The following GMEB2 variants were observed in gnomAD, a reference collection of about 807,000 sequenced individuals.
The protein encoded by GMEB2 is glucocorticoid modulatory element binding protein 2, also known as glucocorticoid modulatory element-binding protein 2.
Under a neutral mutation model 45.7 loss-of-function variants are expected in GMEB2, and 7 were observed. The ratio of observed to expected loss-of-function variants is 0.15; its 90% CI spans 0.09 to 0.29. The LOEUF is 0.29. Ranked by LOEUF, GMEB2 falls within the 10% of genes least tolerant of loss-of-function variation. GMEB2 has a pLI of 1.00. For synonymous variants in GMEB2, 322 were observed against 323.6 expected (o/e 1.00, Z 0.05); for missense variants, 582 against 739.2 (o/e 0.79, Z 2.47).
chr20:63,603,847 G>A (rs12624749), intron 3 of GMEB2, among the ~76,000 whole-genome samples: 20,903 of 151,684 alleles, frequency 0.14, 2,797 homozygotes, highest in East Asian at 0.41. Context: ...GAGGTCAGGA[G>A]TTTGACACCA....
intron 2 of GMEB2, among the ~76,000 whole-genome samples, chr20:63,615,231 G>A (rs1439202739): frequency 6.6e-6 from 1 of 152,222 alleles, no homozygotes; most frequent in Non-Finnish European, 1.5e-5. Context: ...ACTTTTCTGA[G>A]TGACATGCTA....
At chr20:63,610,032 T>C (rs897578570) in intron 2 of GMEB2, among the ~76,000 whole-genome samples, 4 of 152,086 alleles carry the variant, frequency 2.6e-5, no homozygotes, top group Admixed American at 2.6e-4. Flanking sequence ...GCAGACATGG[T>C]GTTCCCACAC....
chr20:63,592,874 G>A lies in GMEB2; in HGVS notation c.691+137C>T. ...GCCTCAGAGCGCCCACGACAATGCT[G>A]CTGGAACCAGGCCTTTCTCCACAAA... On this transcript the variant is annotated intron_variant, in intron 7 of 9. Coordinates refer to ENST00000370077, the MANE Select transcript of GMEB2 (RefSeq NM_012384.5). This position sits in a 1 kb window ranked among gnomAD's most constrained non-coding sequence, Gnocchi z 8.2. 5.5e-6 allele frequency: 4 copies of A among 723,974 alleles called. No individual in the cohort carries two copies. Among genetic ancestry groups the A allele is most frequent in the Non-Finnish European group, 9.7e-6 (4 of 410,486 alleles). The allele number at this position is 723,974 out of a possible 1,614,324, so 44.8% of individuals were successfully genotyped here. A position where few individuals can be genotyped will look rare whatever the true frequency, so the allele number is the denominator to read the frequency against.
chr20:63,614,485 GA>G (rs1401107733), intron 2 of GMEB2, among the ~76,000 whole-genome samples: 3 of 152,144 alleles, frequency 2.0e-5, no homozygotes, highest in Non-Finnish European at 4.4e-5. Flanking sequence ...CAGTGTCAAG[GA>G]AAAACACCCG....
chr20:63,597,923 T>A (rs989364083), intron 4 of GMEB2, 63 bp from the exon 5 acceptor site: 11 of 942,386 alleles, frequency 1.2e-5, no homozygotes, highest in Non-Finnish European at 1.9e-5. Flanking sequence ...TGCCCCCATC[T>A]CCCATCCGAC....
At chr20:63,594,754 GTTTT>G (rs144616437) in intron 6 of GMEB2, among the ~76,000 whole-genome samples, 8,220 of 152,200 alleles carry the variant, frequency 0.054, 287 homozygotes, top group Non-Finnish European at 0.08. Flanking sequence ...TTTAACTTCA[GTTTT>G]TTTGTTTTGA....
intron 4 of GMEB2, among the ~76,000 whole-genome samples, chr20:63,598,373 C>CACACACAT (rs1491278105): frequency 6.6e-6 from 1 of 151,072 alleles, no homozygotes; most frequent in Non-Finnish European, 1.5e-5. Context: ...CACACACACA[C>CACACACAT]TCATCTGTTT....
At chr20:63,626,445 A>G (rs2738764) in intron 1 of GMEB2, among the ~76,000 whole-genome samples, 48 of 11,488 alleles carry the variant, frequency 4.2e-3, no homozygotes, top group African/African-American at 6.6e-3. Flanking sequence ...GCCCCTGGGG[A>G]TCGCGTCCCT....
At chr20:63,607,193 C>T (rs2089526662) in intron 2 of GMEB2, among the ~76,000 whole-genome samples, 1 of 135,560 alleles carries the variant, frequency 7.4e-6, no homozygotes, top group Non-Finnish European at 1.6e-5. Context: ...AGAAACATGC[C>T]CCTCTGACCC....
At chr20:63,623,659 G>A (rs547742921) in intron 1 of GMEB2, among the ~76,000 whole-genome samples, 8 of 152,088 alleles carry the variant, frequency 5.3e-5, no homozygotes, top group African/African-American at 1.4e-4. Context: ...TTAGCCGGGC[G>A]CGGTGGCAGG....
intron 9 of GMEB2, among the ~76,000 whole-genome samples, chr20:63,591,497 C>T (rs932827182): frequency 1.3e-5 from 2 of 152,098 alleles, no homozygotes; most frequent in East Asian, 1.9e-4. Context: ...GACAGGGTCT[C>T]GCTCTGTCAC....
rs372554080 is a variant in GMEB2 at position 63,592,620 on chromosome 20, C to T, written c.742G>A (p.Glu248Lys). 39 of 1,612,502 alleles carry T rather than the reference C, an allele frequency of 2.4e-5. No individual in the cohort carries two copies. The highest frequency in any genetic ancestry group is 4.0e-5 in the African/African-American group (3 of 74,896). ...RGLKDAGLLD[E>K]VIQEFHQELV... ...TCCTGGTGGAACTCCTGGATGACCT[C>T]GTCCAGCAGGCCGGCGTCCTTCAGC... The change falls in exon 8 of 10, where the codon GAG (glutamate) becomes AAG (lysine). Residue 248 changes from glutamate to lysine, a missense_variant. Coordinates refer to ENST00000370077, the MANE Select transcript of GMEB2 (RefSeq NM_012384.5). This position sits in a 1 kb window ranked among gnomAD's most constrained non-coding sequence, Gnocchi z 8.2.
chr20:63,621,084 G>A (rs1476888850), intron 1 of GMEB2, among the ~76,000 whole-genome samples: 1 of 152,214 alleles, frequency 6.6e-6, no homozygotes, highest in Non-Finnish European at 1.5e-5. Context: ...GATAGTCTCA[G>A]CTACTCGGAA....
At chr20:63,600,743 G>A (rs1295388652) in intron 4 of GMEB2, among the ~76,000 whole-genome samples, 4 of 143,562 alleles carry the variant, frequency 2.8e-5, no homozygotes, top group South Asian at 2.3e-4. Flanking sequence ...AAAAAAAGAC[G>A]GAGCAGCTTC....
In GMEB2 at chr20:63,593,066, C is replaced by T. The variant is rs759280095; in HGVS notation, c.636G>A (p.Ala212=). 58 of 1,610,860 alleles carry T rather than the reference C, an allele frequency of 3.6e-5. No individual in the cohort carries two copies. The Admixed American group carries it at 4.0e-4, about 11-fold the overall frequency. The change falls in exon 7 of 10, where the codon GCG becomes GCA. Residue 212 remains alanine (A), a synonymous_variant. Transcript: ENST00000370077. The surrounding 1 kb of genome is among the most constrained non-coding windows in gnomAD (Gnocchi z 4.7). ...CTTCACAGGTCTCTATGGTGATGGT[C>T]GCAGGAGACCCATTCACTGCAGCCG... The part of the protein sequence containing the change: ...PAAADVNGSP[A]TITIETCEDP...
At chr20:63,608,629 T>C (rs548382710) in intron 2 of GMEB2, among the ~76,000 whole-genome samples, 3 of 36,236 alleles carry the variant, frequency 8.3e-5, no homozygotes, top group African/African-American at 2.0e-4. Context: ...CCCTCTGACC[T>C]CACCTCCATT....
In GMEB2 at chr20:63,590,307, T is replaced by A; in HGVS notation, c.1375A>T (p.Thr459Ser). ...GTGCTACCGTCCTGCACGGCGGCCG[T>A]GCTCAGGACCGTGAGGCTGGACGCG... ...PDASSLTVLS[T>S]AAVQDGSTVF... Residue 459 changes from threonine (T) to serine (S), a missense_variant, in exon 10 of 10, where the codon ACG (threonine) becomes TCG (serine). By Grantham distance (58) the Thr-to-Ser change is moderately conservative. Around this residue, in one of 3 missense-constraint regions of GMEB2, gnomAD observed 462 missense variants for 586.7 expected, o/e 0.79. Coordinates refer to ENST00000370077, the MANE Select transcript of GMEB2 (RefSeq NM_012384.5). The A allele has an allele frequency of 6.2e-7, 1 of 1,612,658 alleles. No individual in the cohort carries two copies. Among genetic ancestry groups the A allele is most frequent in the Non-Finnish European group, 8.5e-7 (1 of 1,179,802 alleles).
intron 5 of GMEB2, among the ~76,000 whole-genome samples, chr20:63,596,395 C>G (rs1173398858): frequency 2.0e-5 from 3 of 152,260 alleles, no homozygotes; most frequent in Non-Finnish European, 4.4e-5. Context: ...AACGAGCCTG[C>G]CTCGACCCAT....
chr20:63,620,489 G>C (rs1233333401), intron 1 of GMEB2, among the ~76,000 whole-genome samples: 1 of 152,212 alleles, frequency 6.6e-6, no homozygotes, highest in Non-Finnish European at 1.5e-5. Flanking sequence ...GGAGAGGGGA[G>C]AAGAGAGGAT....
Sources: gnomAD v4.1 joint callset for allele counts (sites outside exome capture counted in the v4.1 genomes callset) on GRCh38, gnomAD v4.1.1 for gene constraint, gnomAD v4.1.1 regional missense constraint, Gnocchi (gnomAD v3.1) non-coding constraint, MANE v1.5 for transcripts, NCBI Gene and HGNC (gene_info 2026-07-23, HGNC 2026-07-21) for gene names.